The following DOCK8 variants were observed in gnomAD, a reference collection of about 807,000 sequenced individuals.
DOCK8 encodes dedicator of cytokinesis protein 8.
DOCK8 carries 141 observed loss-of-function variants against 245.6 expected under a neutral mutation model. The observed-to-expected ratio is 0.57, with a 90% CI of 0.50 to 0.66. The LOEUF (loss-of-function observed/expected upper bound fraction) is 0.66, where lower values mean the gene tolerates loss of function less well. Among genes scored for constraint, DOCK8 ranks in the 30% least tolerant of loss-of-function variants. DOCK8 has a pLI of 0.00. For missense variants in DOCK8, 2,965 were observed against 2,603.4 expected, an observed-to-expected ratio of 1.14 and a Z score of -3.02; for synonymous variants, 1,168 against 970.2, an observed-to-expected ratio of 1.20 and a Z score of -3.79.
chr9:324,050 C>T (rs1237128849), intron 7 of DOCK8, among the ~76,000 whole-genome samples: 1 of 152,174 alleles, frequency 6.6e-6, no homozygotes, highest in African/African-American at 2.4e-5. Context: ...AGGCAAGCAT[C>T]CTTACCTTAT....
At chr9:403,902 A>C (rs28756838) in intron 26 of DOCK8, among the ~76,000 whole-genome samples, 6,405 of 84,502 alleles carry the variant, frequency 0.076, 252 homozygotes, top group East Asian at 0.1. Context: ...CTATATATAT[A>C]TATATATATA....
intron 14 of DOCK8, among the ~76,000 whole-genome samples, chr9:353,428 C>T (rs1433103555): frequency 2.6e-5 from 4 of 152,214 alleles, no homozygotes; most frequent in Non-Finnish European, 5.9e-5. Context: ...TTGATGTATT[C>T]ATTGGCTGTT....
chr9:463,660 C>T lies in DOCK8; in HGVS notation c.6212C>T (p.Pro2071Leu). The T allele has an allele frequency of 1.9e-6, 3 of 1,613,788 alleles. No individual in the cohort carries two copies. The highest frequency in any genetic ancestry group is 2.5e-6 in the Non-Finnish European group (3 of 1,180,022). Residue 2071 changes from proline (P) to leucine (L), a missense_variant, in exon 47 of 48, where the codon CCA becomes CTA. Pro to Leu is a moderately conservative substitution (Grantham distance 98). This residue lies in a region of DOCK8 where 134 missense variants were observed against 128.1 expected (regional missense o/e 1.05). Transcript: ENST00000432829. ...IERKIPELYK[P>L]IFRVESQKRD... ...CGGAAAATTCCAGAACTGTACAAGCCAATATTCAGAGTTGAGAGTCAAAAG... is the reference window on the plus strand; with the variant it reads ...CGGAAAATTCCAGAACTGTACAAGCTAATATTCAGAGTTGAGAGTCAAAAG...
chr9:444,240 A>G (rs1000947949), intron 43 of DOCK8, among the ~76,000 whole-genome samples: 10 of 152,020 alleles, frequency 6.6e-5, no homozygotes, highest in African/African-American at 2.4e-5. Flanking sequence ...GCCAGCTTCA[A>G]GAGGGACCCC....
rs954597858 is a variant in DOCK8, at chr9:363,491, G to A, written c.1680-4527G>A. The stretch of plus-strand genomic sequence containing the variant: ...TGCAGGCAGATCTTCCCTTCCAAAA[G>A]GAAACGTTATTATTCTCTTGTATTC... On this transcript the variant is annotated intron_variant, in intron 14 of 47. Coordinates refer to ENST00000432829, the MANE Select transcript of DOCK8 (RefSeq NM_203447.4). Among the ~76,000 whole-genome samples, 4 of 152,264 alleles carry A rather than the reference G, an allele frequency of 2.6e-5. No individual in the cohort carries two copies. In the South Asian group the frequency reaches 8.3e-4, roughly 32 times the overall value.
chr9:309,564 C>G (rs2050006321), intron 5 of DOCK8, among the ~76,000 whole-genome samples: 1 of 152,088 alleles, frequency 6.6e-6, no homozygotes, highest in African/African-American at 2.4e-5. Flanking sequence ...TTCCCAATTA[C>G]AAAGACATTC....
chr9:332,299 CATCAA>C, intron 9 of DOCK8, 94 bp from the exon 10 acceptor site: 2 of 812,994 alleles, frequency 2.5e-6, no homozygotes, highest in Non-Finnish European at 4.2e-6. Flanking sequence ...CTTCCTATGT[CATCAA>C]ATATTGTCAT....
Position 428,503 on chromosome 9 carries a change from T to G in DOCK8, c.4473+7T>G, listed in dbSNP as rs756531629. On this transcript the variant is annotated splice_region_variant and intron_variant, in intron 35 of 47. Coordinates refer to ENST00000432829, the MANE Select transcript of DOCK8 (RefSeq NM_203447.4). ...CCGTGCTCTCATCGCCAAGGTAAAC[T>G]TGGGATGCTTGTTTTCTTCCTCTTA... 1.9e-6 allele frequency: 3 copies of G among 1,614,142 alleles called. No individual in the cohort carries two copies. In the South Asian group the frequency reaches 3.3e-5, roughly 18 times the overall value.
intron 26 of DOCK8, among the ~76,000 whole-genome samples, chr9:404,098 G>T (rs182309741): frequency 3.3e-5 from 5 of 150,926 alleles, no homozygotes; most frequent in South Asian, 4.2e-4. Flanking sequence ...GTGCTGGGGT[G>T]GGGGGTGATA....
chr9:276,546 T>G (rs185628372), intron 2 of DOCK8, among the ~76,000 whole-genome samples: 24 of 152,304 alleles, frequency 1.6e-4, no homozygotes, highest in African/African-American at 5.8e-4. Flanking sequence ...TTGAAGTTGG[T>G]TTTCTAGATG....
chr9:424,246 G>A (rs1003780428), intron 33 of DOCK8, among the ~76,000 whole-genome samples: 28 of 151,864 alleles, frequency 1.8e-4, no homozygotes, highest in Non-Finnish European at 1.0e-4. Flanking sequence ...GAATCACCTG[G>A]GGAGCTTTAA....
chr9:442,810 C>T (rs769871277), intron 42 of DOCK8, among the ~76,000 whole-genome samples: 4 of 151,240 alleles, frequency 2.6e-5, no homozygotes, highest in African/African-American at 4.9e-5. Flanking sequence ...GCTTTCATTG[C>T]TTTGAATTTG....
chr9:332,561 G>A, intron 10 of DOCK8, 83 bp downstream of exon 10: 1 of 949,436 alleles, frequency 1.1e-6, no homozygotes, highest in Non-Finnish European at 1.7e-6. Context: ...TAGTTAATGG[G>A]CTTTAGTCCC....
rs1328885489 is a variant in DOCK8 at position 464,589 on chromosome 9, A to C, written c.*370A>C. ...TATTTGAATTTATTGGAGTAACTCAAATTGCCTGAGGAAAAATGGAAAAAT... is the reference window on the plus strand; with the variant it reads ...TATTTGAATTTATTGGAGTAACTCACATTGCCTGAGGAAAAATGGAAAAAT... On this transcript the variant is annotated 3_prime_UTR_variant, in exon 48 of 48. Coordinates refer to ENST00000432829, the MANE Select transcript of DOCK8 (RefSeq NM_203447.4). 6.9e-6 allele frequency: 2 copies of C among 287,826 alleles called. No homozygotes were observed. Among genetic ancestry groups the C allele is most frequent in the African/African-American group, 4.3e-5 (2 of 46,130 alleles). The allele number at this position is 287,826 out of a possible 1,614,324, so 17.8% of individuals were successfully genotyped here.
intron 1 of DOCK8, among the ~76,000 whole-genome samples, chr9:219,649 C>T (rs2046840636): frequency 6.6e-6 from 1 of 152,232 alleles, no homozygotes; most frequent in Non-Finnish European, 1.5e-5. Context: ...GTAACCCTAG[C>T]ACTTTGGGAG....
intron 14 of DOCK8, among the ~76,000 whole-genome samples, chr9:342,557 C>T (rs937919160): frequency 6.6e-6 from 1 of 151,932 alleles, no homozygotes; most frequent in African/African-American, 2.4e-5. Flanking sequence ...GCAACCTCCG[C>T]CTCACAGGTT....
At chr9:287,909 T>G (rs1257608857) in intron 3 of DOCK8, among the ~76,000 whole-genome samples, 1 of 152,148 alleles carries the variant, frequency 6.6e-6, no homozygotes. Context: ...CACCGCAGCT[T>G]GTTCCTGTGG....
chr9:400,925 A>T (rs1407106143), intron 26 of DOCK8, among the ~76,000 whole-genome samples: 7 of 113,912 alleles, frequency 6.1e-5, no homozygotes, highest in Non-Finnish European at 9.4e-5. Flanking sequence ...CTTCACCATC[A>T]CCACAACATC....
rs572030387 is a variant in DOCK8, at chr9:378,807, G to C, written c.2441-964G>C. 2.6e-5 allele frequency among the ~76,000 whole-genome samples: 4 copies of C among 152,376 alleles called. No homozygotes were observed. The East Asian group carries it at 7.7e-4, about 29-fold the overall frequency. ...AGCATTTATTCAGAACCTATTCTGT[G>C]TCTCTGCAATGGAAAGCACAGTGGG... On this transcript the variant is annotated intron_variant, in intron 20 of 47. Coordinates refer to ENST00000432829, the MANE Select transcript of DOCK8 (RefSeq NM_203447.4).
Sources: gnomAD v4.1 joint callset for allele counts (sites outside exome capture counted in the v4.1 genomes callset) on GRCh38, gnomAD v4.1.1 for gene constraint, gnomAD v4.1.1 regional missense constraint, MANE v1.5 for transcripts, NCBI Gene and HGNC (gene_info 2026-07-23, HGNC 2026-07-21) for gene names.